Variants in DSCAM observed in about 807,000 individuals in gnomAD.
DSCAM encodes the protein DS cell adhesion molecule, also known as cell adhesion molecule DSCAM.
DSCAM carries 47 observed loss-of-function variants against 217.7 expected under a neutral mutation model. The observed-to-expected ratio is 0.22, with a 90% CI of 0.17 to 0.28. DSCAM has a LOEUF of 0.28. DSCAM is among the 10% of genes least tolerant of loss of function. DSCAM has a pLI of 1.00. For synonymous variants in DSCAM, 1,056 were observed against 1,015.3 expected (o/e 1.04, Z -0.76); for missense variants, 2,080 against 2,618.3 (o/e 0.79, Z 4.49).
At chr21:40,708,183 G>A (rs2090738173) in intron 2 of DSCAM, among the ~76,000 whole-genome samples, 1 of 152,138 alleles carries the variant, frequency 6.6e-6, no homozygotes, top group Non-Finnish European at 1.5e-5. Context: ...TTGAATTAGA[G>A]TATCAAATTA....
chr21:40,114,719 A>C (rs955896941), intron 20 of DSCAM, among the ~76,000 whole-genome samples: 1 of 152,224 alleles, frequency 6.6e-6, no homozygotes, highest in African/African-American at 2.4e-5. Context: ...ATTTACAAGA[A>C]AAAAACAAAC....
chr21:40,558,627 G>C (rs1419583305), intron 3 of DSCAM, among the ~76,000 whole-genome samples: 1 of 152,160 alleles, frequency 6.6e-6, no homozygotes, highest in African/African-American at 2.4e-5. Context: ...GAGCAAGACA[G>C]AAACATTGAT....
At chr21:40,183,107 C>G (rs1352786280) in intron 14 of DSCAM, among the ~76,000 whole-genome samples, 2 of 137,642 alleles carry the variant, frequency 1.5e-5, no homozygotes, top group Non-Finnish European at 3.1e-5. Flanking sequence ...GGGGGGGTTA[C>G]CAGAGAAACC....
intron 11 of DSCAM, among the ~76,000 whole-genome samples, chr21:40,229,808 T>C (rs1231186809): frequency 2.0e-5 from 3 of 152,258 alleles, no homozygotes; most frequent in African/African-American, 7.2e-5. Flanking sequence ...GTTATAAACA[T>C]TGATATGCAG....
At chr21:40,124,498 A>G (rs2090073333) in intron 19 of DSCAM, among the ~76,000 whole-genome samples, 170 bp from the exon 20 acceptor site, 1 of 152,160 alleles carries the variant, frequency 6.6e-6, no homozygotes, top group African/African-American at 2.4e-5. Context: ...AACCCCCAGG[A>G]CCACAGAATG....
chr21:40,490,350 A>T (rs9981857), intron 3 of DSCAM, among the ~76,000 whole-genome samples: 102,149 of 151,728 alleles, frequency 0.67, 35,405 homozygotes, highest in African/African-American at 0.85. Flanking sequence ...GTATTTTTTT[A>T]AAAAAATGGA....
chr21:40,621,578 G>A (rs1015750523), intron 3 of DSCAM, among the ~76,000 whole-genome samples: 1 of 148,456 alleles, frequency 6.7e-6, no homozygotes, highest in Non-Finnish European at 1.5e-5. Context: ...TCTGCTTGGG[G>A]ACCAGATGGG....
intron 1 of DSCAM, among the ~76,000 whole-genome samples, chr21:40,747,699 C>T (rs2091188704): frequency 3.3e-5 from 5 of 151,764 alleles, no homozygotes; most frequent in Admixed American, 3.3e-4. Flanking sequence ...AAGGAGGGAA[C>T]ACTTCCAAAC....
At chr21:40,765,196 T>C (rs1259592705) in intron 1 of DSCAM, among the ~76,000 whole-genome samples, 1 of 152,200 alleles carries the variant, frequency 6.6e-6, no homozygotes, top group African/African-American at 2.4e-5. Flanking sequence ...GAGAGGGTGC[T>C]GAGGGCATAC....
At chr21:40,325,809 G>T (rs923387991) in intron 8 of DSCAM, among the ~76,000 whole-genome samples, 1 of 152,198 alleles carries the variant, frequency 6.6e-6, no homozygotes, top group Non-Finnish European at 1.5e-5. Flanking sequence ...TGCATAGCTG[G>T]TGGTAAAGTA....
At chr21:40,714,939 T>C (rs2090825640) in intron 1 of DSCAM, among the ~76,000 whole-genome samples, 1 of 152,222 alleles carries the variant, frequency 6.6e-6, no homozygotes, top group South Asian at 2.1e-4. Flanking sequence ...ATGAATGGAT[T>C]ATTGTCATTA....
chr21:40,138,292 C>G (rs964738355), intron 18 of DSCAM, among the ~76,000 whole-genome samples: 1 of 137,270 alleles, frequency 7.3e-6, no homozygotes, highest in African/African-American at 2.7e-5. Flanking sequence ...TGTGTGTGTA[C>G]CTGTGTGCGT....
At chr21:40,770,331 C>G (rs537604785) in intron 1 of DSCAM, among the ~76,000 whole-genome samples, 2 of 152,258 alleles carry the variant, frequency 1.3e-5, no homozygotes, top group South Asian at 4.1e-4. Context: ...TTTTCTTTCT[C>G]TATTGGCATC....
At chr21:40,032,160 C>T (rs530024036) in intron 32 of DSCAM, among the ~76,000 whole-genome samples, 8 of 152,264 alleles carry the variant, frequency 5.3e-5, no homozygotes, top group African/African-American at 1.7e-4. Flanking sequence ...TAGGGTTCTG[C>T]TTCAGGTGGT....
intron 16 of DSCAM, among the ~76,000 whole-genome samples, chr21:40,164,014 A>G (rs2090567839): frequency 6.6e-6 from 1 of 152,118 alleles, no homozygotes; most frequent in Non-Finnish European, 1.5e-5. Flanking sequence ...TCACTTACCC[A>G]TTCATTCATT....
At chr21:40,571,483 G>C (rs2076806225) in intron 3 of DSCAM, among the ~76,000 whole-genome samples, 1 of 152,138 alleles carries the variant, frequency 6.6e-6, no homozygotes, top group Admixed American at 6.6e-5. Flanking sequence ...TTTTCAGCTA[G>C]AGAAGAACTC....
intron 13 of DSCAM, 88 bp downstream of exon 13, chr21:40,187,803 G>T (rs76229405): frequency 2.6e-6 from 3 of 1,171,450 alleles, no homozygotes; most frequent in Non-Finnish European, 3.8e-6. Context: ...TACATGGCAA[G>T]TTGAGGACAC....
Position 40,085,681 on chromosome 21 carries a change from T to C in DSCAM, c.4053A>G (p.Ala1351=), listed in dbSNP as rs374451435. The C allele has an allele frequency of 1.1e-5, 17 of 1,595,624 alleles. No homozygotes were observed. The African/African-American group carries it at 2.1e-4, about 20-fold the overall frequency. ...NGSFIIRTVK[A]EDSGYYSCIA... is the part of the protein sequence containing the mutation. ...TGCAGCTGTAATAGCCGGAGTCTTC[T>C]GCTTTCACCGTGCGAATAATGAAGC... The change falls in exon 23 of 33, where the codon GCA becomes GCG. Residue 1351 remains alanine (A), a synonymous_variant. Transcript: ENST00000400454.
chr21:40,320,344 A>G (rs1435857078), intron 8 of DSCAM, among the ~76,000 whole-genome samples: 1 of 152,128 alleles, frequency 6.6e-6, no homozygotes, highest in African/African-American at 2.4e-5. Flanking sequence ...TGTTTTTCCT[A>G]TATAGAATTA....
Sources: allele counts gnomAD v4.1 joint callset (sites outside exome capture counted in the v4.1 genomes callset), GRCh38; gene constraint gnomAD v4.1.1; transcripts MANE v1.5; gene names NCBI Gene and HGNC (gene_info 2026-07-23, HGNC 2026-07-21).